ST6GALNAC3: variants seen among roughly 807,000 people sequenced by gnomAD.
The protein encoded by ST6GALNAC3 is ST6 N-acetylgalactosaminide alpha-2,6-sialyltransferase 3, also known as alpha-N-acetylgalactosaminide alpha-2,6-sialyltransferase 3.
ST6GALNAC3 carries 25 observed loss-of-function variants against 32.7 expected under a neutral mutation model. That is an observed-to-expected ratio of 0.76 (90% confidence interval 0.56 to 1.07). The LOEUF (loss-of-function observed/expected upper bound fraction) is 1.07. Among genes scored for constraint, ST6GALNAC3 ranks in the 50% least tolerant of loss-of-function variants. The probability of loss-of-function intolerance (pLI) is 0.00; values close to 1 mark genes in which losing one functional copy is unlikely to be tolerated. For missense variants in ST6GALNAC3, 355 were observed against 382.4 expected (o/e 0.93, Z 0.60); for synonymous variants, 129 against 133.1 (o/e 0.97, Z 0.21).
chr1:76,392,971 A>G (rs559619379), intron 2 of ST6GALNAC3, among the ~76,000 whole-genome samples: 34 of 152,290 alleles, frequency 2.2e-4, no homozygotes, highest in Non-Finnish European at 3.8e-4. Flanking sequence ...AGGGAAAAAT[A>G]TCAACCTGGA....
At chr1:76,330,191 C>A (rs371451781) in intron 2 of ST6GALNAC3, among the ~76,000 whole-genome samples, 1 of 151,858 alleles carries the variant, frequency 6.6e-6, no homozygotes, top group Non-Finnish European at 1.5e-5. Context: ...CTCACTCTGT[C>A]GCCCAGGCTG....
intron 3 of ST6GALNAC3, among the ~76,000 whole-genome samples, chr1:76,485,881 A>G (rs1660077338): frequency 6.6e-6 from 1 of 152,164 alleles, no homozygotes; most frequent in Non-Finnish European, 1.5e-5. Flanking sequence ...ATTTCCCTCT[A>G]CACACTGCTT....
intron 1 of ST6GALNAC3, among the ~76,000 whole-genome samples, chr1:76,159,392 C>A (rs924545586): frequency 3.0e-4 from 46 of 152,260 alleles, no homozygotes; most frequent in African/African-American, 1.1e-3. Flanking sequence ...CCATGTTGAC[C>A]AGGCTGGTCT....
intron 2 of ST6GALNAC3, among the ~76,000 whole-genome samples, chr1:76,349,043 C>G (rs1366123474): frequency 6.6e-6 from 1 of 152,038 alleles, no homozygotes; most frequent in Admixed American, 6.6e-5. Context: ...CAGCAATTCC[C>G]CATGCTGCTT....
At chr1:76,544,002 T>C (rs1271074943) in intron 3 of ST6GALNAC3, among the ~76,000 whole-genome samples, 4 of 151,678 alleles carry the variant, frequency 2.6e-5, no homozygotes, top group African/African-American at 7.3e-5. Flanking sequence ...GCGATGAAAA[T>C]CAAAGCTAGA....
At chr1:76,405,156 AC>A (rs1370688558) in intron 2 of ST6GALNAC3, among the ~76,000 whole-genome samples, 4 of 152,018 alleles carry the variant, frequency 2.6e-5, no homozygotes, top group African/African-American at 7.2e-5. Flanking sequence ...ATTTTGGGTG[AC>A]CTTTTCTAAT....
chr1:76,556,619 T>C (rs994844732), intron 3 of ST6GALNAC3, among the ~76,000 whole-genome samples: 1 of 152,142 alleles, frequency 6.6e-6, no homozygotes, highest in Admixed American at 6.6e-5. Context: ...ATTTCCTAGT[T>C]GGCTAATAAT....
Position 76,358,594 on chromosome 1 carries a change from A to G in ST6GALNAC3, c.213+44595A>G, listed in dbSNP as rs114990816. ...CCTAGATTTCTGCAAAAACTAGGCT[A>G]CCCCCATCCACATTTGCCTCCTCCA... On this transcript the variant is annotated intron_variant, in intron 2 of 4. Transcript: ENST00000328299. Among the ~76,000 whole-genome samples the G allele has an allele frequency of 6.8e-3, 1,035 of 152,196 alleles. 7 individuals are homozygous for G. The highest frequency in any genetic ancestry group is 0.024 in the African/African-American group (1,012 of 41,530).
At chr1:76,519,733 C>G (rs183970212) in intron 3 of ST6GALNAC3, among the ~76,000 whole-genome samples, 9 of 151,316 alleles carry the variant, frequency 5.9e-5, no homozygotes, top group Non-Finnish European at 1.0e-4. Flanking sequence ...TTTTAATCTT[C>G]TATTTTATTA....
chr1:76,390,230 G>A lies in ST6GALNAC3; in HGVS notation c.214-21778G>A, dbSNP rs374295917. ...CTTAATTGGGTATGCATGAATTTTGGCTAAGTTGCTCCATATAAATAAATG... is the reference window on the plus strand; with the variant it reads ...CTTAATTGGGTATGCATGAATTTTGACTAAGTTGCTCCATATAAATAAATG... On this transcript the variant is annotated intron_variant, in intron 2 of 4. Transcript: ENST00000328299. Among the ~76,000 whole-genome samples the A allele has an allele frequency of 1.3e-4, 20 of 152,148 alleles. No individual in the cohort carries two copies. The East Asian group carries it at 3.3e-3, about 25-fold the overall frequency.
At chr1:76,250,724 T>C (rs1202991497) in intron 1 of ST6GALNAC3, among the ~76,000 whole-genome samples, 1 of 152,210 alleles carries the variant, frequency 6.6e-6, no homozygotes, top group African/African-American at 2.4e-5. Flanking sequence ...AACATGGCTA[T>C]GAAGCATACA....
chr1:76,440,325 A>G (rs1208884810), intron 3 of ST6GALNAC3, among the ~76,000 whole-genome samples: 1 of 152,242 alleles, frequency 6.6e-6, no homozygotes. Flanking sequence ...TAATGTTTAC[A>G]TTTTCGAAAA....
Position 76,563,853 on chromosome 1 carries a change from C to T in ST6GALNAC3, c.624-63599C>T, listed in dbSNP as rs889112592. The stretch of plus-strand genomic sequence containing the variant: ...GTGTAGGTTCTTTCTCCCTTCTGCC[C>T]CTCTAAAGCTACTTTGGCTAATAGG... On this transcript the variant is annotated intron_variant, in intron 3 of 4. Coordinates refer to ENST00000328299, the MANE Select transcript of ST6GALNAC3 (RefSeq NM_152996.4). 1.2e-4 allele frequency among the ~76,000 whole-genome samples: 19 copies of T among 152,258 alleles called. No homozygotes were observed. The Middle Eastern group carries it at 0.017, about 136-fold the overall frequency.
chr1:76,132,356 G>C (rs1649664863), intron 1 of ST6GALNAC3, among the ~76,000 whole-genome samples: 1 of 152,116 alleles, frequency 6.6e-6, no homozygotes, highest in Non-Finnish European at 1.5e-5. Flanking sequence ...GTGGGGAGGA[G>C]GGGGGAGTAT....
chr1:76,091,217 C>T (rs1038658436), intron 1 of ST6GALNAC3, among the ~76,000 whole-genome samples: 2 of 152,170 alleles, frequency 1.3e-5, no homozygotes, highest in African/African-American at 4.8e-5. Flanking sequence ...GAATATCAGT[C>T]TGTTTGAAAG....
intron 1 of ST6GALNAC3, among the ~76,000 whole-genome samples, chr1:76,164,584 C>T (rs947914208): frequency 1.3e-5 from 2 of 152,050 alleles, no homozygotes; most frequent in South Asian, 4.1e-4. Flanking sequence ...ATTGTTAGTC[C>T]AGTGATTACT....
rs569524205 is a variant in ST6GALNAC3, at chr1:76,155,406, A to G, written c.18+80522A>G. 5.3e-5 allele frequency among the ~76,000 whole-genome samples: 8 copies of G among 152,342 alleles called. No individual in the cohort carries two copies. The South Asian group carries it at 1.7e-3, about 32-fold the overall frequency. ...TGTTTTAATCAACTTTGTTTCAAAC[A>G]GCTTTAGATTTGCAGAAAAACTATG... is the stretch of plus-strand genomic sequence containing the variant. On this transcript the variant is annotated intron_variant, in intron 1 of 4. Transcript: ENST00000328299.
intron 3 of ST6GALNAC3, among the ~76,000 whole-genome samples, chr1:76,462,062 GCTT>G (rs1658313007): frequency 6.6e-6 from 1 of 151,954 alleles, no homozygotes; most frequent in East Asian, 1.9e-4. Context: ...CCCTGTACGT[GCTT>G]CTTCTGCAGC....
At chr1:76,409,808 A>G (rs963831450) in intron 2 of ST6GALNAC3, among the ~76,000 whole-genome samples, 23 of 152,178 alleles carry the variant, frequency 1.5e-4, no homozygotes, top group Non-Finnish European at 1.5e-5. Flanking sequence ...AGTGATGAGA[A>G]TATGGAGAAT....
Sources: gnomAD v4.1 joint callset for allele counts (sites outside exome capture counted in the v4.1 genomes callset) on GRCh38, gnomAD v4.1.1 for gene constraint, MANE v1.5 for transcripts, NCBI Gene and HGNC (gene_info 2026-07-23, HGNC 2026-07-21) for gene names.